Variants in MYO18B observed in about 807,000 individuals in gnomAD.
MYO18B encodes the protein unconventional myosin-XVIIIb.
Under a neutral mutation model 273.0 loss-of-function variants are expected in MYO18B, and 204 were observed. That is an observed-to-expected ratio of 0.75 (90% CI 0.67 to 0.84). The LOEUF (loss-of-function observed/expected upper bound fraction) is 0.84. MYO18B is among the 40% of genes least tolerant of loss of function. MYO18B has a pLI of 0.00. For missense variants in MYO18B, 3,212 were observed against 3,287.6 expected (o/e 0.98, Z 0.56); for synonymous variants, 1,330 against 1,305.7 (o/e 1.02, Z -0.40).
chr22:26,062,387 T>C, the MYO18B span, among the ~76,000 whole-genome samples: 2 of 152,290 alleles, frequency 1.3e-5, no homozygotes, highest in African/African-American at 4.8e-5. Flanking sequence ...GGTATTGAGT[T>C]GCTAGAATAA....
intron 34 of MYO18B, among the ~76,000 whole-genome samples, chr22:25,925,859 C>T (rs1037715612): frequency 1.4e-5 from 2 of 141,972 alleles, no homozygotes; most frequent in South Asian, 2.3e-4. Context: ...GAACTGAGAT[C>T]GCGCCATTGC....
intron 9 of MYO18B, 142 bp downstream of exon 9, chr22:25,780,340 C>T (rs904479815): frequency 9.3e-7 from 1 of 1,073,784 alleles, no homozygotes; most frequent in Non-Finnish European, 1.3e-6. Flanking sequence ...CCTGTAATCC[C>T]AGCACTTTGG....
chr22:25,867,653 G>A (rs113951939), intron 21 of MYO18B, among the ~76,000 whole-genome samples: 2 of 113,160 alleles, frequency 1.8e-5, no homozygotes, highest in African/African-American at 6.7e-5. Context: ...TTTTTGAGAC[G>A]GAGTCTCGCT....
At chr22:25,947,112 C>CA (rs2092720924) in intron 35 of MYO18B, among the ~76,000 whole-genome samples, 1 of 152,110 alleles carries the variant, frequency 6.6e-6, no homozygotes, top group Non-Finnish European at 1.5e-5. Context: ...TGCCTACAAG[C>CA]ATTCACACAC....
chr22:26,029,802 G>C (rs376975482), intron 43 of MYO18B, among the ~76,000 whole-genome samples: 1 of 152,164 alleles, frequency 6.6e-6, no homozygotes, highest in East Asian at 1.9e-4. Flanking sequence ...TGTGTCCTCA[G>C]TTGGAAAACA....
chr22:25,886,196 C>A (rs1253897606), intron 25 of MYO18B, among the ~76,000 whole-genome samples: 1 of 152,208 alleles, frequency 6.6e-6, no homozygotes, highest in Non-Finnish European at 1.5e-5. Flanking sequence ...TAAGCACTAT[C>A]TGTGGTGGCG....
At chr22:25,779,688 T>C (rs2087055319) in intron 8 of MYO18B, among the ~76,000 whole-genome samples, 1 of 152,214 alleles carries the variant, frequency 6.6e-6, no homozygotes, top group Non-Finnish European at 1.5e-5. Flanking sequence ...CTCTAAGCTG[T>C]GAGTGCAGGC....
intron 39 of MYO18B, chr22:25,964,341 T>A (rs1272785946): frequency 6.6e-6 from 1 of 152,096 alleles, no homozygotes; most frequent in Non-Finnish European, 1.5e-5. Flanking sequence ...GAAACTAAAA[T>A]CCAGACAGGT....
chr22:25,858,822 A>T (rs750518484), intron 21 of MYO18B, among the ~76,000 whole-genome samples: 6 of 152,200 alleles, frequency 3.9e-5, no homozygotes, highest in Non-Finnish European at 7.3e-5. Context: ...AATGCCTGGG[A>T]TGCTTCACTG....
intron 20 of MYO18B, among the ~76,000 whole-genome samples, chr22:25,848,355 A>G (rs2090322314): frequency 6.6e-6 from 1 of 152,144 alleles, no homozygotes; most frequent in Non-Finnish European, 1.5e-5. Context: ...GTGATGTAAT[A>G]CCATAGTCAG....
At chr22:26,060,612 C>T in the MYO18B span, among the ~76,000 whole-genome samples, 1 of 152,148 alleles carries the variant, frequency 6.6e-6, no homozygotes, top group Non-Finnish European at 1.5e-5. Context: ...TATGTATACA[C>T]ACATACACAT....
intron 3 of MYO18B, among the ~76,000 whole-genome samples, chr22:25,764,321 G>A (rs141260029): frequency 9.2e-5 from 14 of 152,344 alleles, no homozygotes; most frequent in South Asian, 4.1e-4. Context: ...GGATGACAAG[G>A]TGGACCATGA....
In MYO18B at chr22:25,969,599, T is replaced by C. The variant is rs188523375; in HGVS notation, c.6156+14235T>C. 2.6e-3 allele frequency among the ~76,000 whole-genome samples: 399 copies of C among 152,230 alleles called. 3 individuals carry two copies. Among genetic ancestry groups the C allele is most frequent in the Non-Finnish European group, 4.8e-3 (324 of 68,016 alleles). On this transcript the variant is annotated intron_variant, in intron 39 of 43. Transcript: ENST00000335473. Reference sequence around the variant, plus strand: ...GTCCAAGATATATACTACCTGGTCCTTTACAGAAAAAAAAATCACTTACCT... The same window carrying C: ...GTCCAAGATATATACTACCTGGTCCCTTACAGAAAAAAAAATCACTTACCT...
intron 25 of MYO18B, among the ~76,000 whole-genome samples, chr22:25,886,457 G>A (rs1432071360): frequency 6.6e-6 from 1 of 152,210 alleles, no homozygotes; most frequent in Non-Finnish European, 1.5e-5. Context: ...CTGCAGTTGG[G>A]CTGGCCCTGT....
chr22:25,752,210 C>A (rs1259131077), intron 1 of MYO18B, among the ~76,000 whole-genome samples: 3 of 143,410 alleles, frequency 2.1e-5, no homozygotes, highest in Admixed American at 7.0e-5. Flanking sequence ...TTTTTTGAGA[C>A]GGAGTCTCGC....
At chr22:26,063,464 C>T in the MYO18B span, among the ~76,000 whole-genome samples, 1 of 152,130 alleles carries the variant, frequency 6.6e-6, no homozygotes, top group African/African-American at 2.4e-5. Context: ...GGAGATCATC[C>T]AGGTGGCCAA....
chr22:25,938,106 T>G (rs1440062512), intron 34 of MYO18B, among the ~76,000 whole-genome samples: 1 of 152,182 alleles, frequency 6.6e-6, no homozygotes, highest in Non-Finnish European at 1.5e-5. Flanking sequence ...GATGCACTAT[T>G]TTTAAATCCC....
rs537916951 is a variant in MYO18B at position 25,895,246 on chromosome 22, C to T, written c.4634C>T (p.Ser1545Leu). The change falls in exon 28 of 44, where the codon TCG becomes TTG. Residue 1545 changes from serine (S) to leucine (L), a missense_variant. Ser to Leu is a moderately radical substitution (Grantham distance 145). Transcript: ENST00000335473. Reference sequence around the variant, plus strand: ...CAGCAATGCGAGGAGAGGCTGGACTCGGAGCTGACAGCCAGGAAAGAGCTG... The same window carrying T: ...CAGCAATGCGAGGAGAGGCTGGACTTGGAGCTGACAGCCAGGAAAGAGCTG... ...RLQQCEERLD[S>L]ELTARKELEQ... 13 of 1,606,144 alleles carry T rather than the reference C, an allele frequency of 8.1e-6. No homozygotes were observed. The East Asian group carries it at 9.0e-5, about 11-fold the overall frequency.
At chr22:25,911,986 T>C (rs1569182479) in intron 33 of MYO18B, among the ~76,000 whole-genome samples, 1 of 152,232 alleles carries the variant, frequency 6.6e-6, no homozygotes. Context: ...TTAATGTATT[T>C]GCTTAACATG....
Sources: allele counts gnomAD v4.1 joint callset (sites outside exome capture counted in the v4.1 genomes callset), GRCh38; gene constraint gnomAD v4.1.1; transcripts MANE v1.5; gene names NCBI Gene and HGNC (gene_info 2026-07-23, HGNC 2026-07-21).